ZNF480: variants seen among roughly 807,000 people sequenced by gnomAD.
ZNF480 encodes zinc finger protein 480.
A neutral mutation model predicts 14.4 loss-of-function variants in ZNF480; 15 were observed. The ratio of observed to expected loss-of-function variants is 1.04; its 90% CI spans 0.70 to 1.60. ZNF480 has a LOEUF of 1.60. ZNF480 is among the 40% of genes most tolerant of loss of function. ZNF480 has a pLI of 0.00. For synonymous variants in ZNF480, 218 were observed against 215.5 expected, an observed-to-expected ratio of 1.01 and a Z score of -0.10; for missense variants, 593 against 629.7, an observed-to-expected ratio of 0.94 and a Z score of 0.62.
At position 52,322,830 on chromosome 19, in the gene ZNF480, C is replaced by T. The variant is rs1432531371; in HGVS notation, c.1580C>T (p.Ala527Val). 6.3e-7 allele frequency: 1 copy of T among 1,599,460 alleles called. No individual in the cohort carries two copies. Among genetic ancestry groups the T allele is most frequent in the African/African-American group, 1.3e-5 (1 of 74,620 alleles). The change falls in exon 5 of 5, where the codon GCA becomes GTA. Residue 527 changes from alanine (A) to valine (V), a missense_variant. Transcript: ENST00000595962. ...GCCTTTAGTCGCATTTCATACCTAG[C>T]ACAACATTGGACAATTCATATGGGA... ...GKAFSRISYL[A>V]QHWTIHMG
intron 1 of ZNF480, among the ~76,000 whole-genome samples, chr19:52,298,277 A>G (rs1266722675): frequency 6.6e-6 from 1 of 151,702 alleles, no homozygotes; most frequent in Admixed American, 6.6e-5. Context: ...GAGAGTGGGG[A>G]CAAGGGGGTG....
In ZNF480 at chr19:52,322,638, CA is replaced by C; in HGVS notation, c.1389del (p.Phe464SerfsTer7). The C allele has an allele frequency of 6.2e-7, 1 of 1,613,904 alleles. No homozygotes were observed. Among genetic ancestry groups the C allele is most frequent in the South Asian group, 1.1e-5 (1 of 91,080 alleles). On this transcript the variant is annotated frameshift_variant, in exon 5 of 5. Coordinates refer to ENST00000595962, the MANE Select transcript of ZNF480 (RefSeq NM_144684.4). LOFTEE classifies it low-confidence loss of function (END_TRUNC). ...KPYKCSECGK[A>X]FRHKLSLTNH... ...TACAAATGTAGTGAATGTGGCAAGG[CA>C]TTCAGACACAAGTTATCACTAACCA...
intron 2 of ZNF480, among the ~76,000 whole-genome samples, chr19:52,310,281 T>G (rs1039563015): frequency 6.6e-6 from 1 of 152,102 alleles, no homozygotes; most frequent in Middle Eastern, 3.2e-3. Context: ...GGTCTCGAAC[T>G]CCTGACCTCA....
At chr19:52,298,529 G>C (rs1360696447) in intron 1 of ZNF480, among the ~76,000 whole-genome samples, 1 of 152,106 alleles carries the variant, frequency 6.6e-6, no homozygotes, top group Non-Finnish European at 1.5e-5. Context: ...TACTCAGGAG[G>C]CTGAGGCAGG....
chr19:52,316,009 T>G, intron 4 of ZNF480, 47 bp downstream of exon 4: 1 of 1,427,454 alleles, frequency 7.0e-7, no homozygotes, highest in Non-Finnish European at 9.3e-7. Flanking sequence ...TTGTTTGGGC[T>G]TTTTTTTTGT....
chr19:52,323,396 T>TA lies in ZNF480; in HGVS notation c.*539dup, dbSNP rs1427014407. 6.6e-6 allele frequency: 1 copy of TA among 151,862 alleles called. No homozygotes were observed. The allele number at this position is 151,862 out of a possible 1,614,324, so 9.4% of individuals were successfully genotyped here. On this transcript the variant is annotated 3_prime_UTR_variant, in exon 5 of 5. Coordinates refer to ENST00000595962, the MANE Select transcript of ZNF480 (RefSeq NM_144684.4). ...TATAAAGAAAAGCTGTTACCAATCT[T>TA]ACTGAAACTGTTCAAAAACATGGAT...
chr19:52,311,616 G>A (rs1337371300), intron 2 of ZNF480, among the ~76,000 whole-genome samples: 1 of 151,970 alleles, frequency 6.6e-6, no homozygotes, highest in Non-Finnish European at 1.5e-5. Flanking sequence ...ATACATTTTT[G>A]TTGTAAACAT....
intron 2 of ZNF480, among the ~76,000 whole-genome samples, chr19:52,302,381 C>G (rs779521350): frequency 6.6e-6 from 1 of 152,178 alleles, no homozygotes; most frequent in Non-Finnish European, 1.5e-5. Flanking sequence ...TTTGTAATTG[C>G]TGTTTTAGGG....
intron 2 of ZNF480, among the ~76,000 whole-genome samples, chr19:52,310,515 G>A (rs966023750): frequency 1.3e-5 from 2 of 151,392 alleles, no homozygotes; most frequent in African/African-American, 4.9e-5. Flanking sequence ...CCCTGCCCAG[G>A]CATCCTGTGC....
intron 1 of ZNF480, chr19:52,297,695 G>C: frequency 6.4e-6 from 1 of 155,212 alleles, no homozygotes; most frequent in South Asian, 1.6e-4. Flanking sequence ...TCCTTGATAC[G>C]GGGCCCCGCT....
chr19:52,317,842 T>G (rs1367125574), intron 4 of ZNF480, among the ~76,000 whole-genome samples: 1 of 152,168 alleles, frequency 6.6e-6, no homozygotes, highest in Non-Finnish European at 1.5e-5. Context: ...CGACAACACT[T>G]GTGATTTTCT....
intron 2 of ZNF480, among the ~76,000 whole-genome samples, chr19:52,305,645 G>T (rs186200405): frequency 2.6e-4 from 39 of 152,330 alleles, no homozygotes; most frequent in Admixed American, 2.2e-3. Context: ...CTGGCAAGGG[G>T]TGCCACAGAC....
chr19:52,323,043 T>C lies in ZNF480; in HGVS notation c.*185T>C, dbSNP rs1177700669. 3 of 485,752 alleles carry C rather than the reference T, an allele frequency of 6.2e-6. No homozygotes were observed. Among genetic ancestry groups the C allele is most frequent in the Non-Finnish European group, 1.0e-5 (3 of 292,412 alleles). 30.1% of individuals were successfully genotyped at this position (485,752 alleles called of 1,614,324 possible). On this transcript the variant is annotated 3_prime_UTR_variant, in exon 5 of 5. Coordinates refer to ENST00000595962, the MANE Select transcript of ZNF480 (RefSeq NM_144684.4). ...GGAGAGACTTCACAATTATAATAAA[T>C]GTGTGGAAAAGTCTTCAAAAAAATT...
intron 2 of ZNF480, among the ~76,000 whole-genome samples, chr19:52,306,768 C>T (rs1982950787): frequency 6.6e-6 from 1 of 152,094 alleles, no homozygotes; most frequent in South Asian, 2.1e-4. Flanking sequence ...AGGGAACTGC[C>T]AAGCATCCAT....
At chr19:52,313,286 T>C (rs1007371471) in intron 2 of ZNF480, among the ~76,000 whole-genome samples, 2 of 150,492 alleles carry the variant, frequency 1.3e-5, no homozygotes, top group Middle Eastern at 3.6e-3. Flanking sequence ...AACAGGTGCA[T>C]ACCACCACGC....
intron 3 of ZNF480, 53 bp from the exon 4 acceptor site, chr19:52,315,781 G>T: frequency 6.4e-7 from 1 of 1,563,548 alleles, no homozygotes; most frequent in Non-Finnish European, 8.7e-7. Flanking sequence ...TACACATAGG[G>T]CTTGGATTTT....
In ZNF480 at chr19:52,322,714, T is replaced by G. The variant is rs1382027639; in HGVS notation, c.1464T>G (p.Cys488Trp). 6.2e-7 allele frequency: 1 copy of G among 1,613,740 alleles called. No homozygotes were observed. The highest frequency in any genetic ancestry group is 8.5e-7 in the Non-Finnish European group (1 of 1,179,830). The change falls in exon 5 of 5, where the codon TGT (cysteine) becomes TGG (tryptophan). Residue 488 changes from cysteine (C) to tryptophan (W), a missense_variant. Cys to Trp is a radical substitution (Grantham distance 215). Transcript: ENST00000595962. The stretch of plus-strand genomic sequence containing the variant: ...AAAGACCTTACAAATGTAATGAATG[T>G]GGCAAGGTCTTCAATCGAATTGCAC... ...TGERPYKCNE[C>W]GKVFNRIAHL...
chr19:52,301,353 G>A (rs1386638005), intron 2 of ZNF480: 1 of 152,104 alleles, frequency 6.6e-6, no homozygotes, highest in Non-Finnish European at 1.5e-5. Flanking sequence ...GTGCCTGAGA[G>A]GCTTGGAATA....
intron 2 of ZNF480, 147 bp downstream of exon 2, chr19:52,300,631 G>GGCCAA: frequency 7.1e-7 from 1 of 1,413,322 alleles, no homozygotes; most frequent in African/African-American, 1.4e-5. Flanking sequence ...GCCGAGACCA[G>GGCCAA]CTTGGTCGTG....
Sources: allele counts gnomAD v4.1 joint callset (sites outside exome capture counted in the v4.1 genomes callset), GRCh38; gene constraint gnomAD v4.1.1; transcripts MANE v1.5; gene names NCBI Gene and HGNC (gene_info 2026-07-23, HGNC 2026-07-21).